TBL1Y: variants seen among roughly 807,000 people sequenced by gnomAD.
The protein encoded by TBL1Y is transducin beta like 1 Y-linked.
In TBL1Y, 15 loss-of-function variants were observed where a neutral mutation model predicts 12.0. That is an observed-to-expected ratio of 1.25 (90% confidence interval 0.83 to 1.92). The LOEUF (loss-of-function observed/expected upper bound fraction) is 1.92, where lower values mean the gene tolerates loss of function less well. Ranked by LOEUF, TBL1Y falls within the 40% of genes most tolerant of loss-of-function variation. The pLI is 0.00. For synonymous variants in TBL1Y, 53 were observed against 42.6 expected (o/e 1.24, Z -0.95); for missense variants, 148 against 116.7 (o/e 1.27, Z -1.24).
intron 2 of TBL1Y, among the ~76,000 whole-genome samples, chrY:6,945,482 C>T (rs569907323): frequency 6.2e-5 from 2 of 32,378 alleles, no homozygotes; most frequent in African/African-American, 1.2e-4. Flanking sequence ...CATGTCTCAC[C>T]GTAACCCTTG....
chrY:7,055,398 A>G, intron 7 of TBL1Y, among the ~76,000 whole-genome samples: 1 of 33,026 alleles, frequency 3.0e-5, no homozygotes, highest in Non-Finnish European at 7.4e-5. Flanking sequence ...TTGGCACTCC[A>G]GATGCCAGGA....
chrY:7,002,455 C>T (rs750880790), intron 4 of TBL1Y, among the ~76,000 whole-genome samples: 1 of 33,390 alleles, frequency 3.0e-5, no homozygotes, highest in African/African-American at 1.2e-4. Context: ...GGTACCCAGG[C>T]GCCTGAGGGA....
intron 2 of TBL1Y, among the ~76,000 whole-genome samples, chrY:6,913,733 A>T: frequency 3.2e-5 from 1 of 31,621 alleles, no homozygotes; most frequent in South Asian, 7.5e-4. Context: ...GAAACAAAAG[A>T]TCTATAAATT....
intron 2 of TBL1Y, among the ~76,000 whole-genome samples, chrY:6,914,595 G>C: frequency 3.1e-5 from 1 of 31,814 alleles, no homozygotes. Flanking sequence ...AGAAGACCGA[G>C]GCGTGAGAAT....
At chrY:6,911,749 TCA>T (rs2011697200) in intron 1 of TBL1Y, among the ~76,000 whole-genome samples, 1 of 34,086 alleles carries the variant, frequency 2.9e-5, no homozygotes, top group Non-Finnish European at 7.4e-5. Flanking sequence ...GTACCTTCTC[TCA>T]CGGAGGGGGC....
intron 2 of TBL1Y, among the ~76,000 whole-genome samples, chrY:6,963,962 T>A: frequency 2.9e-5 from 1 of 34,260 alleles, no homozygotes; most frequent in East Asian, 7.7e-4. Flanking sequence ...CCAGTGTTTT[T>A]CTTTTCCACA....
intron 8 of TBL1Y, among the ~76,000 whole-genome samples, chrY:7,067,022 G>A: frequency 3.0e-5 from 1 of 33,584 alleles, no homozygotes; most frequent in Non-Finnish European, 7.4e-5. Flanking sequence ...GAGAAAAGTA[G>A]CCACTTTCCA....
At chrY:6,958,854 C>T (rs767902346) in intron 2 of TBL1Y, among the ~76,000 whole-genome samples, 2 of 33,965 alleles carry the variant, frequency 5.9e-5, no homozygotes, top group South Asian at 6.6e-4. Context: ...ATTGAACAAA[C>T]GTACAATCAG....
intron 2 of TBL1Y, among the ~76,000 whole-genome samples, chrY:6,957,689 C>G: frequency 3.0e-5 from 1 of 33,492 alleles, no homozygotes; most frequent in African/African-American, 1.2e-4. Context: ...CCTTATGGGT[C>G]TTTTAACCTA....
At chrY:6,951,806 G>T in intron 2 of TBL1Y, among the ~76,000 whole-genome samples, 3 of 33,525 alleles carry the variant, frequency 8.9e-5, no homozygotes, top group African/African-American at 3.5e-4. Flanking sequence ...TCTCTTGTGG[G>T]CATTTAGTGC....
chrY:7,050,534 C>A, intron 7 of TBL1Y, among the ~76,000 whole-genome samples: 1 of 25,109 alleles, frequency 4.0e-5, no homozygotes, highest in Non-Finnish European at 9.0e-5. Flanking sequence ...AAGAATATTC[C>A]CAAATAGTTT....
At chrY:7,064,413 T>C in intron 8 of TBL1Y, among the ~76,000 whole-genome samples, 4 of 33,130 alleles carry the variant, frequency 1.2e-4, no homozygotes, top group Non-Finnish European at 3.0e-4. Flanking sequence ...CTATAATACA[T>C]GGTTATGGCC....
chrY:7,061,189 C>A, intron 7 of TBL1Y, among the ~76,000 whole-genome samples: 1 of 19,413 alleles, frequency 5.2e-5, no homozygotes, highest in Non-Finnish European at 1.1e-4. Context: ...TTTCTACTTT[C>A]TTCTGTTAGC....
chrY:7,015,663 A>T (rs1603038548), intron 4 of TBL1Y, among the ~76,000 whole-genome samples: 1 of 33,216 alleles, frequency 3.0e-5, no homozygotes, highest in Non-Finnish European at 7.4e-5. Context: ...CCATCCTCCC[A>T]CCTCAGCCTC....
intron 3 of TBL1Y, among the ~76,000 whole-genome samples, chrY:6,984,079 T>A: frequency 3.0e-5 from 1 of 33,212 alleles, no homozygotes; most frequent in Non-Finnish European, 7.4e-5. Flanking sequence ...GATCTTTCTA[T>A]GAGCTGCCCC....
chrY:6,913,084 TG>T (rs2124088881), intron 2 of TBL1Y, among the ~76,000 whole-genome samples: 1 of 32,449 alleles, frequency 3.1e-5, no homozygotes, highest in South Asian at 7.2e-4. Flanking sequence ...GACTTTAGAT[TG>T]GGGGTAGGAT....
chrY:6,958,011 A>C, intron 2 of TBL1Y, among the ~76,000 whole-genome samples: 1 of 33,685 alleles, frequency 3.0e-5, no homozygotes, highest in African/African-American at 1.2e-4. Flanking sequence ...TACGTTCATC[A>C]CAAACAACAC....
intron 1 of TBL1Y, among the ~76,000 whole-genome samples, chrY:6,911,334 C>G: frequency 2.9e-5 from 1 of 34,464 alleles, no homozygotes; most frequent in Admixed American, 2.5e-4. Context: ...CTCTTGGGAT[C>G]TGCTGGGCCC....
chrY:7,043,191 C>T, intron 7 of TBL1Y, 66 bp downstream of exon 7: 1 of 365,140 alleles, frequency 2.7e-6, no homozygotes, highest in Non-Finnish European at 3.9e-6. Context: ...GGTTGGAACA[C>T]ATTAGAAGCT....
Sources: allele counts gnomAD v4.1 joint callset (sites outside exome capture counted in the v4.1 genomes callset), GRCh38; gene constraint gnomAD v4.1.1; transcripts MANE v1.5; gene names NCBI Gene and HGNC (gene_info 2026-07-23, HGNC 2026-07-21).